The following PROM1 variants were observed in gnomAD, a reference collection of about 807,000 sequenced individuals.
PROM1 encodes the protein prominin-1.
Under a neutral mutation model 116.9 loss-of-function variants are expected in PROM1, and 105 were observed. The ratio of observed to expected loss-of-function variants is 0.90; its 90% CI spans 0.77 to 1.06. The LOEUF (loss-of-function observed/expected upper bound fraction) is 1.06. Among genes scored for constraint, PROM1 ranks in the 50% least tolerant of loss-of-function variants. The probability of loss-of-function intolerance (pLI) is 0.00; values close to 1 mark genes in which losing one functional copy is unlikely to be tolerated. For missense variants in PROM1, 1,122 were observed against 1,045.2 expected (o/e 1.07, Z -1.01); for synonymous variants, 393 against 387.0 (o/e 1.02, Z -0.18).
chr4:15,979,947 T>A, intron 24 of PROM1, 43 bp from the exon 25 acceptor site: 1 of 1,224,866 alleles, frequency 8.2e-7, no homozygotes, highest in Non-Finnish European at 1.1e-6. Context: ...TTTTTTTAAT[T>A]ATTATGAAAG....
At chr4:16,030,129 C>T (rs1206806123) in intron 5 of PROM1, among the ~76,000 whole-genome samples, 1 of 152,146 alleles carries the variant, frequency 6.6e-6, no homozygotes, top group Non-Finnish European at 1.5e-5. Flanking sequence ...TATTATGCAA[C>T]TCATGATGTT....
At chr4:16,036,525 G>A (rs1733980944) in intron 3 of PROM1, among the ~76,000 whole-genome samples, 1 of 152,148 alleles carries the variant, frequency 6.6e-6, no homozygotes, top group Admixed American at 6.6e-5. Flanking sequence ...TGGGGAAGGG[G>A]CACGCAGGCT....
At chr4:15,986,111 C>A in intron 20 of PROM1, 74 bp from the exon 21 acceptor site, 1 of 1,102,692 alleles carries the variant, frequency 9.1e-7, no homozygotes, top group South Asian at 1.4e-5. Context: ...CATATTGATT[C>A]AAGTACTGTA....
At chr4:16,024,169 T>A (rs970114027) in intron 7 of PROM1, 126 bp downstream of exon 7, 2 of 829,144 alleles carry the variant, frequency 2.4e-6, no homozygotes, top group Non-Finnish European at 3.8e-6. Context: ...ACATTGGCAA[T>A]AAGGCTAGGG....
At chr4:16,003,055 G>A (rs1210039812) in intron 13 of PROM1, among the ~76,000 whole-genome samples, 1 of 152,194 alleles carries the variant, frequency 6.6e-6, no homozygotes, top group Non-Finnish European at 1.5e-5. Context: ...CCCTTCTTGG[G>A]AAAAGCTTGC....
At chr4:15,979,079 G>C (rs930522295) in intron 26 of PROM1, among the ~76,000 whole-genome samples, 1 of 152,134 alleles carries the variant, frequency 6.6e-6, no homozygotes, top group African/African-American at 2.4e-5. Flanking sequence ...TAACTACTCA[G>C]GTTATTTGGT....
At chr4:16,009,537 T>C (rs1421519291) in intron 11 of PROM1, among the ~76,000 whole-genome samples, 1 of 152,176 alleles carries the variant, frequency 6.6e-6, no homozygotes, top group African/African-American at 2.4e-5. Context: ...CATGGGTCTT[T>C]TAAAGAAAGC....
At chr4:16,051,238 C>T (rs1258322401) in intron 2 of PROM1, among the ~76,000 whole-genome samples, 1 of 152,220 alleles carries the variant, frequency 6.6e-6, no homozygotes, top group Admixed American at 6.5e-5. Flanking sequence ...GTAACTGGCA[C>T]TGCTTAAATA....
Position 15,991,211 on chromosome 4 carries a change from T to C in PROM1, c.1983+11A>G. The C allele has an allele frequency of 6.2e-7, 1 of 1,601,518 alleles. No homozygotes were observed. The highest frequency in any genetic ancestry group is 8.5e-7 in the Non-Finnish European group (1 of 1,173,066). On this transcript the variant is annotated intron_variant, in intron 18 of 27. Coordinates refer to ENST00000447510, the MANE Select transcript of PROM1 (RefSeq NM_006017.3). ...ACTACTACAGTATTTAACCGGACGA[T>C]TTGAACTCACCAAACTGTTTGCTTT...
At chr4:15,971,287 G>T in intron 26 of PROM1, 1 of 537,026 alleles carries the variant, frequency 1.9e-6, no homozygotes, top group Non-Finnish European at 3.3e-6. Flanking sequence ...CAGCATAGAA[G>T]ATAAAGAGGA....
Position 15,989,449 on chromosome 4 carries a change from G to A in PROM1, c.2076+283C>T, listed in dbSNP as rs1380122527. 5.3e-5 allele frequency among the ~76,000 whole-genome samples: 8 copies of A among 152,330 alleles called. No individual in the cohort carries two copies. The East Asian group carries it at 1.5e-3, about 29-fold the overall frequency. On this transcript the variant is annotated intron_variant, in intron 19 of 27. Coordinates refer to ENST00000447510, the MANE Select transcript of PROM1 (RefSeq NM_006017.3). ...TCCACAGCATTGTAGCTAAATGCGGGGCATAGGAGGGCCTGCTCACAGCAA... is the reference window on the plus strand; with the variant it reads ...TCCACAGCATTGTAGCTAAATGCGGAGCATAGGAGGGCCTGCTCACAGCAA...
chr4:16,016,396 AAC>A (rs1309028594), intron 9 of PROM1, among the ~76,000 whole-genome samples, 156 bp from the exon 10 acceptor site: 1 of 152,180 alleles, frequency 6.6e-6, no homozygotes, highest in Non-Finnish European at 1.5e-5. Flanking sequence ...ATTTCGGAAA[AAC>A]ACAGCTCAGA....
intron 2 of PROM1, 23 bp downstream of exon 2, chr4:16,075,664 C>A (rs1217795113): frequency 4.4e-6 from 7 of 1,589,864 alleles, no homozygotes; most frequent in Non-Finnish European, 6.0e-6. Context: ...TAAATCCTAT[C>A]TTTCCCTGCC....
chr4:16,063,973 T>C (rs1165415076), intron 2 of PROM1, among the ~76,000 whole-genome samples: 1 of 152,156 alleles, frequency 6.6e-6, no homozygotes, highest in Non-Finnish European at 1.5e-5. Context: ...CTCATTAGAC[T>C]CTCCTCCTAC....
intron 2 of PROM1, among the ~76,000 whole-genome samples, chr4:16,067,746 A>T (rs1424841147): frequency 2.0e-5 from 3 of 152,152 alleles, no homozygotes; most frequent in Non-Finnish European, 4.4e-5. Context: ...GGGCATAGAC[A>T]CGTCGATTTG....
intron 1 of PROM1, chr4:16,082,758 T>G (rs1300736328): frequency 6.6e-6 from 1 of 152,148 alleles, no homozygotes; most frequent in Non-Finnish European, 1.5e-5. Context: ...GGGGCGATCT[T>G]GCCAGAGAGA....
At chr4:16,059,552 A>G (rs565579564) in intron 2 of PROM1, among the ~76,000 whole-genome samples, 1 of 152,092 alleles carries the variant, frequency 6.6e-6, no homozygotes, top group Non-Finnish European at 1.5e-5. Context: ...AAAAATAAAA[A>G]AAATTAGTCG....
rs763243562 is a variant in PROM1 at position 15,989,783 on chromosome 4, T to C, written c.2025A>G (p.Gln675=). The C allele has an allele frequency of 6.2e-7, 1 of 1,610,274 alleles. No homozygotes were observed. The highest frequency in any genetic ancestry group is 1.1e-5 in the South Asian group (1 of 90,192). Residue 675 remains glutamine (Q), a synonymous_variant, in exon 19 of 28, where the codon CAA becomes CAG. Transcript: ENST00000447510. ...NLRNSLKRDA[Q]TIKTIHQQRV... is the part of the protein sequence containing the mutation. ...GTTGCTGGTGAATTGTTTTAATAGT[T>C]TGTGCATCTCTTTTCAGGGAGTTCC...
At chr4:15,970,516 T>A (rs187333469) in intron 27 of PROM1, among the ~76,000 whole-genome samples, 71 of 150,330 alleles carry the variant, frequency 4.7e-4, no homozygotes, top group East Asian at 4.3e-3. Flanking sequence ...AGTAAAAAAA[T>A]TTTATTTTTT....
Sources: gnomAD v4.1 joint callset for allele counts (sites outside exome capture counted in the v4.1 genomes callset) on GRCh38, gnomAD v4.1.1 for gene constraint, MANE v1.5 for transcripts, NCBI Gene and HGNC (gene_info 2026-07-23, HGNC 2026-07-21) for gene names.